CNTNAP2: variants seen among roughly 807,000 people sequenced by gnomAD.
The protein encoded by CNTNAP2 is contactin-associated protein-like 2.
A neutral mutation model predicts 155.2 loss-of-function variants in CNTNAP2; 98 were observed. That is an observed-to-expected ratio of 0.63 (90% CI 0.54 to 0.75). CNTNAP2 has a LOEUF of 0.75. Among genes scored for constraint, CNTNAP2 ranks in the 30% least tolerant of loss-of-function variants. The pLI is 0.00. For missense variants in CNTNAP2, 1,727 were observed against 1,688.1 expected (o/e 1.02, Z -0.40); for synonymous variants, 651 against 631.2 (o/e 1.03, Z -0.47).
At chr7:147,923,101 G>A (rs1800314627) in intron 14 of CNTNAP2, among the ~76,000 whole-genome samples, 1 of 151,954 alleles carries the variant, frequency 6.6e-6, no homozygotes, top group South Asian at 2.1e-4. Context: ...AGGAAGGAAG[G>A]GAGGGGAGGG....
chr7:146,234,186 T>A (rs1198064286), intron 1 of CNTNAP2, among the ~76,000 whole-genome samples: 1 of 151,684 alleles, frequency 6.6e-6, no homozygotes, highest in Non-Finnish European at 1.5e-5. Flanking sequence ...TATCTCATTG[T>A]GGTTTTGATT....
At chr7:147,171,097 T>C (rs536682149) in intron 8 of CNTNAP2, among the ~76,000 whole-genome samples, 5 of 152,168 alleles carry the variant, frequency 3.3e-5, no homozygotes, top group African/African-American at 4.8e-5. Flanking sequence ...CAAACATCCA[T>C]TGGGGTTTTG....
At chr7:146,971,179 C>A (rs1391629038) in intron 3 of CNTNAP2, among the ~76,000 whole-genome samples, 1 of 151,140 alleles carries the variant, frequency 6.6e-6, no homozygotes. Flanking sequence ...GCACATTGGT[C>A]ACATGTACCC....
chr7:146,948,293 G>A (rs1012537254), intron 3 of CNTNAP2, among the ~76,000 whole-genome samples: 1 of 97,600 alleles, frequency 1.0e-5, no homozygotes, highest in Non-Finnish European at 2.5e-5. Context: ...CATGTTGCCT[G>A]CAAAGCCTAA....
intron 21 of CNTNAP2, among the ~76,000 whole-genome samples, chr7:148,380,366 G>T (rs897494521): frequency 2.0e-5 from 3 of 152,162 alleles, no homozygotes; most frequent in African/African-American, 7.2e-5. Flanking sequence ...TTCCAGACAG[G>T]CATTTCTATA....
At chr7:147,427,496 A>G (rs748274695) in intron 10 of CNTNAP2, among the ~76,000 whole-genome samples, 1 of 152,156 alleles carries the variant, frequency 6.6e-6, no homozygotes, top group Admixed American at 6.6e-5. Flanking sequence ...GTTTAACAAT[A>G]GTTTGGATAA....
At chr7:148,310,311 T>G (rs1797570235) in intron 21 of CNTNAP2, among the ~76,000 whole-genome samples, 1 of 152,220 alleles carries the variant, frequency 6.6e-6, no homozygotes, top group Non-Finnish European at 1.5e-5. Flanking sequence ...CATTTAAGAA[T>G]ATACAGAGTC....
At chr7:148,258,847 A>G (rs568748702) in intron 20 of CNTNAP2, among the ~76,000 whole-genome samples, 3 of 152,026 alleles carry the variant, frequency 2.0e-5, no homozygotes, top group Admixed American at 6.5e-5. Context: ...CCTGGACAAC[A>G]TAGTGAGACC....
At position 146,331,161 on chromosome 7, in the gene CNTNAP2, G is replaced by T. The variant is rs556615589; in HGVS notation, c.97+214188G>T. Among the ~76,000 whole-genome samples, 4 of 151,912 alleles carry T rather than the reference G, an allele frequency of 2.6e-5. No individual in the cohort carries two copies. The East Asian group carries it at 7.8e-4, about 30-fold the overall frequency. On this transcript the variant is annotated intron_variant, in intron 1 of 23. Transcript: ENST00000361727. ...CTACTAAAAATACAAAAAATTAGCC[G>T]GGCGTGGTAGCGAGCGCCTGTAGTC...
chr7:146,837,808 T>C (rs1428881436), intron 2 of CNTNAP2, among the ~76,000 whole-genome samples: 1 of 152,188 alleles, frequency 6.6e-6, no homozygotes, highest in East Asian at 1.9e-4. Flanking sequence ...TCCCTACATA[T>C]AATGCATGAC....
chr7:147,872,173 G>A (rs551075574), intron 13 of CNTNAP2, among the ~76,000 whole-genome samples: 1 of 152,244 alleles, frequency 6.6e-6, no homozygotes, highest in African/African-American at 2.4e-5. Context: ...GCATGATTTG[G>A]TTATTTTGGA....
At chr7:147,009,736 A>G (rs1047583233) in intron 3 of CNTNAP2, among the ~76,000 whole-genome samples, 1 of 152,166 alleles carries the variant, frequency 6.6e-6, no homozygotes, top group African/African-American at 2.4e-5. Context: ...TTCAACTAGC[A>G]GCAAATTCTA....
At chr7:147,372,760 G>C (rs1796367801) in intron 9 of CNTNAP2, among the ~76,000 whole-genome samples, 1 of 151,992 alleles carries the variant, frequency 6.6e-6, no homozygotes, top group South Asian at 2.1e-4. Flanking sequence ...AAGTGAGAGA[G>C]CCTGAACCAC....
chr7:146,998,556 G>T (rs1369926381), intron 3 of CNTNAP2, among the ~76,000 whole-genome samples: 1 of 151,906 alleles, frequency 6.6e-6, no homozygotes, highest in East Asian at 1.9e-4. Flanking sequence ...CATTTAGTCA[G>T]TAGGACAGTT....
intron 1 of CNTNAP2, among the ~76,000 whole-genome samples, chr7:146,139,789 T>G (rs1268797331): frequency 6.6e-6 from 1 of 152,158 alleles, no homozygotes; most frequent in Admixed American, 6.6e-5. Context: ...GTTTTTAAGG[T>G]CCATAAACAT....
At chr7:147,967,586 T>C (rs1801242240) in intron 14 of CNTNAP2, among the ~76,000 whole-genome samples, 1 of 152,208 alleles carries the variant, frequency 6.6e-6, no homozygotes, top group Non-Finnish European at 1.5e-5. Flanking sequence ...GTCTAGACAC[T>C]GTTTTATTCC....
chr7:147,616,729 T>C (rs1470513616), intron 12 of CNTNAP2, among the ~76,000 whole-genome samples: 1 of 152,148 alleles, frequency 6.6e-6, no homozygotes, highest in African/African-American at 2.4e-5. Context: ...AATAAACGTG[T>C]TAGATATTTG....
intron 18 of CNTNAP2, among the ~76,000 whole-genome samples, chr7:148,183,240 T>C (rs1283143369): frequency 1.3e-5 from 2 of 152,184 alleles, no homozygotes; most frequent in Non-Finnish European, 2.9e-5. Context: ...ATACCCACGC[T>C]GAAGGTTCTA....
chr7:148,360,659 C>G (rs1395391837), intron 21 of CNTNAP2, among the ~76,000 whole-genome samples: 1 of 152,042 alleles, frequency 6.6e-6, no homozygotes, highest in African/African-American at 2.4e-5. Flanking sequence ...AGAAGTGACA[C>G]CAGAAAAAGC....
Sources: allele counts gnomAD v4.1 joint callset (sites outside exome capture counted in the v4.1 genomes callset), GRCh38; gene constraint gnomAD v4.1.1; transcripts MANE v1.5; gene names NCBI Gene and HGNC (gene_info 2026-07-23, HGNC 2026-07-21).